Variants in PTPRQ observed in about 807,000 individuals in gnomAD.
The protein encoded by PTPRQ is protein tyrosine phosphatase receptor type Q.
PTPRQ carries 199 observed loss-of-function variants against 246.0 expected under a neutral mutation model. The observed-to-expected ratio is 0.81, with a 90% CI of 0.72 to 0.91. The LOEUF (loss-of-function observed/expected upper bound fraction) is 0.91, where lower values mean the gene tolerates loss of function less well. Among genes scored for constraint, PTPRQ ranks in the 40% least tolerant of loss-of-function variants. PTPRQ has a pLI of 0.00. For missense variants in PTPRQ, 2,624 were observed against 2,528.4 expected (o/e 1.04, Z -0.81); for synonymous variants, 869 against 853.2 (o/e 1.02, Z -0.32).
chr12:80,556,758 G>A (rs1477100418), intron 25 of PTPRQ, among the ~76,000 whole-genome samples: 1 of 152,136 alleles, frequency 6.6e-6, no homozygotes, highest in African/African-American at 2.4e-5. Context: ...TGAAAATAGT[G>A]AGAATAGTAG....
intron 26 of PTPRQ, among the ~76,000 whole-genome samples, chr12:80,599,040 G>A (rs1898058301): frequency 6.6e-6 from 1 of 151,898 alleles, no homozygotes; most frequent in Non-Finnish European, 1.5e-5. Flanking sequence ...TGGCATGGAT[G>A]GGGGCATTCA....
chr12:80,446,882 G>T (rs553420128), intron 3 of PTPRQ, among the ~76,000 whole-genome samples: 2 of 152,130 alleles, frequency 1.3e-5, no homozygotes, highest in Admixed American at 6.6e-5. Flanking sequence ...ATAAACATGA[G>T]TGATGGTGTC....
rs192305859 is a variant in PTPRQ, at chr12:80,523,111, A to T, written c.2679-10904A>T. Among the ~76,000 whole-genome samples, 58 of 152,180 alleles carry T rather than the reference A, an allele frequency of 3.8e-4. No individual in the cohort carries two copies. In the South Asian group the frequency reaches 7.1e-3, roughly 19 times the overall value. ...TCTTGGGAGGGTGTATGTGTCGAGG[A>T]ATTTATCCATTTCTTCTAGATTTTC... On this transcript the variant is annotated intron_variant, in intron 17 of 44. Coordinates refer to ENST00000644991, the MANE Select transcript of PTPRQ (RefSeq NM_001145026.2).
At chr12:80,639,437 C>T (rs1483549823) in intron 35 of PTPRQ, among the ~76,000 whole-genome samples, 1 of 151,974 alleles carries the variant, frequency 6.6e-6, no homozygotes, top group African/African-American at 2.4e-5. Context: ...ATATTAATTA[C>T]CCTGCCTATT....
Position 80,496,281 on chromosome 12 carries a change from A to G in PTPRQ, c.2022A>G (p.Val674=). Residue 674 remains valine, a synonymous_variant, in exon 14 of 45, where the codon GTA becomes GTG. Coordinates refer to ENST00000644991, the MANE Select transcript of PTPRQ (RefSeq NM_001145026.2). ...AATCATCACCTCAAGATGTCGAAGT[A>G]ATTGATGTTACCGCAGATGAAATAA... ...EPESSPQDVE[V]IDVTADEIRL... The G allele has an allele frequency of 6.4e-7, 1 of 1,550,676 alleles. No homozygotes were observed. The highest frequency in any genetic ancestry group is 8.7e-7 in the Non-Finnish European group (1 of 1,146,440).
At chr12:80,523,466 ATTTTAGATC>A (rs1895576684) in intron 17 of PTPRQ, among the ~76,000 whole-genome samples, 1 of 152,074 alleles carries the variant, frequency 6.6e-6, no homozygotes, top group South Asian at 2.1e-4. Flanking sequence ...TAGGGTGTCA[ATTTTAGATC>A]TTTCCTGCTT....
intron 6 of PTPRQ, 47 bp downstream of exon 6, chr12:80,460,949 T>C (rs1893144738): frequency 2.5e-6 from 1 of 398,802 alleles, no homozygotes; most frequent in South Asian, 1.4e-4. Context: ...GATTAGAGAA[T>C]AATGTTTAAT....
intron 26 of PTPRQ, among the ~76,000 whole-genome samples, chr12:80,596,494 C>T (rs35815826): frequency 0.06 from 9,122 of 151,748 alleles, 484 homozygotes; most frequent in African/African-American, 0.14. Flanking sequence ...ATTTTCTCCC[C>T]ATTAATAGCT....
At chr12:80,632,506 C>T (rs529402238) in intron 34 of PTPRQ, among the ~76,000 whole-genome samples, 6 of 152,112 alleles carry the variant, frequency 3.9e-5, no homozygotes, top group Non-Finnish European at 8.8e-5. Context: ...GAAAGAAATC[C>T]TGCCATTTGA....
intron 17 of PTPRQ, among the ~76,000 whole-genome samples, chr12:80,514,833 T>G (rs1242340306): frequency 6.8e-6 from 1 of 147,082 alleles, no homozygotes; most frequent in Non-Finnish European, 1.5e-5. Context: ...AGTGATGCTT[T>G]TTCAGATAAT....
At chr12:80,510,668 C>T (rs767174463) in intron 17 of PTPRQ, among the ~76,000 whole-genome samples, 3 of 151,994 alleles carry the variant, frequency 2.0e-5, no homozygotes, top group Admixed American at 6.6e-5. Flanking sequence ...TTATGTGTTA[C>T]GCATAATTAT....
intron 9 of PTPRQ, among the ~76,000 whole-genome samples, chr12:80,489,966 G>A (rs1020632868): frequency 3.3e-5 from 5 of 150,506 alleles, no homozygotes; most frequent in African/African-American, 9.7e-5. Context: ...GAATATCAAC[G>A]TTTGTCACTG....
At chr12:80,674,488 A>T (rs540746056) in intron 43 of PTPRQ, among the ~76,000 whole-genome samples, 1 of 152,284 alleles carries the variant, frequency 6.6e-6, no homozygotes, top group East Asian at 1.9e-4. Flanking sequence ...ATGTCATGGA[A>T]CATTAATCCT....
chr12:80,592,991 A>G (rs1434366649), intron 26 of PTPRQ, among the ~76,000 whole-genome samples: 1 of 152,194 alleles, frequency 6.6e-6, no homozygotes, highest in Non-Finnish European at 1.5e-5. Context: ...AGCCTGGGTT[A>G]CAAAGCCAGA....
At chr12:80,508,897 A>G (rs1343734439) in intron 16 of PTPRQ, among the ~76,000 whole-genome samples, 1 of 152,078 alleles carries the variant, frequency 6.6e-6, no homozygotes, top group East Asian at 1.9e-4. Context: ...CTTAAAGCAT[A>G]TTATAGAGTA....
At chr12:80,468,973 TAAGG>T (rs1893537393) in intron 7 of PTPRQ, 135 bp downstream of exon 7, 1 of 1,253,384 alleles carries the variant, frequency 8.0e-7, no homozygotes. Flanking sequence ...AGGAAAGTCA[TAAGG>T]AAGGGGAGGT....
intron 8 of PTPRQ, 145 bp from the exon 9 acceptor site, chr12:80,484,288 T>G: frequency 9.7e-7 from 1 of 1,034,026 alleles, no homozygotes; most frequent in Non-Finnish European, 1.3e-6. Context: ...ATTACAGCCA[T>G]GAGCCACCGC....
intron 42 of PTPRQ, among the ~76,000 whole-genome samples, chr12:80,672,758 A>G (rs1191560151): frequency 6.6e-6 from 1 of 152,172 alleles, no homozygotes; most frequent in Non-Finnish European, 1.5e-5. Flanking sequence ...TGAAACAAAG[A>G]AAATGCTATA....
At position 80,510,411 on chromosome 12, in the gene PTPRQ, T is replaced by G; in HGVS notation, c.2646T>G (p.Asn882Lys). The G allele has an allele frequency of 6.4e-7, 1 of 1,550,526 alleles. No individual in the cohort carries two copies. The change falls in exon 17 of 45, where the codon AAT becomes AAG. Residue 882 changes from asparagine (N) to lysine (K), a missense_variant. Asn to Lys is a moderately conservative substitution (Grantham distance 94). Coordinates refer to ENST00000644991, the MANE Select transcript of PTPRQ (RefSeq NM_001145026.2). ...CATGGCAACCACCCCTGGAGCCAAA[T>G]GGAATTATCCTTTATTACACAGTTT... is the stretch of plus-strand genomic sequence containing the variant. ...KLSWQPPLEP[N>K]GIILYYTVYV...
Sources: allele counts gnomAD v4.1 joint callset (sites outside exome capture counted in the v4.1 genomes callset), GRCh38; gene constraint gnomAD v4.1.1; transcripts MANE v1.5; gene names NCBI Gene and HGNC (gene_info 2026-07-23, HGNC 2026-07-21).